Variants in AKAP6 observed in about 807,000 individuals in gnomAD.
AKAP6 encodes A-kinase anchoring protein 6.
Under a neutral mutation model 188.5 loss-of-function variants are expected in AKAP6, and 58 were observed. That is an observed-to-expected ratio of 0.31 (90% confidence interval 0.25 to 0.38). The LOEUF is 0.38. AKAP6 is among the 10% of genes least tolerant of loss of function. The pLI, the probability that AKAP6 is intolerant of heterozygous loss-of-function variation, is 1.00. For missense variants in AKAP6, 2,710 were observed against 2,740.0 expected (o/e 0.99, Z 0.24); for synonymous variants, 989 against 998.6 (o/e 0.99, Z 0.18).
At chr14:32,436,745 T>C (rs1890392589) in intron 2 of AKAP6, among the ~76,000 whole-genome samples, 1 of 152,132 alleles carries the variant, frequency 6.6e-6, no homozygotes, top group Non-Finnish European at 1.5e-5. Context: ...GAGACCAGAC[T>C]GGGCAGCATG....
At chr14:32,386,263 C>T (rs1888535286) in intron 1 of AKAP6, among the ~76,000 whole-genome samples, 3 of 151,976 alleles carry the variant, frequency 2.0e-5, no homozygotes, top group South Asian at 2.1e-4. Flanking sequence ...TCCATGCCAA[C>T]ATCTATTATT....
At chr14:32,612,491 A>G (rs933979437) in intron 7 of AKAP6, among the ~76,000 whole-genome samples, 7 of 152,264 alleles carry the variant, frequency 4.6e-5, no homozygotes, top group East Asian at 1.9e-4. Context: ...GCACAATCCC[A>G]TCTTAACATC....
At chr14:32,771,942 T>C (rs950167421) in intron 11 of AKAP6, among the ~76,000 whole-genome samples, 1 of 152,062 alleles carries the variant, frequency 6.6e-6, no homozygotes, top group African/African-American at 2.4e-5. Flanking sequence ...TATCTTGAAG[T>C]GTTTAATATT....
intron 1 of AKAP6, among the ~76,000 whole-genome samples, chr14:32,387,918 A>G (rs567857141): frequency 2.6e-5 from 4 of 151,588 alleles, no homozygotes; most frequent in African/African-American, 9.7e-5. Flanking sequence ...TGTCAATAGG[A>G]TTGGTACCAG....
chr14:32,547,134 A>G lies in AKAP6; in HGVS notation c.2346+135A>G, dbSNP rs1358522194. ...AAATCTGATTCTCCAAAGAAAGAAA[A>G]GAAAAAGCACAATGATCAATGCATG... On this transcript the variant is annotated intron_variant, in intron 4 of 13. Coordinates refer to ENST00000280979, the MANE Select transcript of AKAP6 (RefSeq NM_004274.5). The G allele has an allele frequency of 1.8e-5, 17 of 925,398 alleles. 1 individual carries two copies. The highest frequency in any genetic ancestry group is 1.6e-6 in the Non-Finnish European group (1 of 637,116). 57.3% of individuals were successfully genotyped at this position (925,398 alleles called of 1,614,324 possible). A position where few individuals can be genotyped will look rare whatever the true frequency, so the allele number is the denominator to read the frequency against.
intron 7 of AKAP6, among the ~76,000 whole-genome samples, chr14:32,652,658 C>T (rs1363562627): frequency 6.6e-6 from 1 of 152,208 alleles, no homozygotes; most frequent in East Asian, 1.9e-4. Flanking sequence ...ACTTTACTCT[C>T]CATTCAAGCT....
Position 32,687,330 on chromosome 14 carries a change from G to T in AKAP6, c.2880-8660G>T, listed in dbSNP as rs1889965001. On this transcript the variant is annotated intron_variant, in intron 8 of 13. Transcript: ENST00000280979. ...GGGATATAATCACCCTGGATTTCCT[G>T]CCATGGGGTGATCTTTCTGGTTTTC... Among the ~76,000 whole-genome samples, 3 of 151,676 alleles carry T rather than the reference G, an allele frequency of 2.0e-5. No homozygotes were observed. In the South Asian group the frequency reaches 6.2e-4, roughly 32 times the overall value.
At chr14:32,489,931 G>C (rs1257375275) in intron 2 of AKAP6, among the ~76,000 whole-genome samples, 1 of 152,228 alleles carries the variant, frequency 6.6e-6, no homozygotes, top group Non-Finnish European at 1.5e-5. Flanking sequence ...TCTGAAAAGA[G>C]AGTCAGCAAA....
intron 2 of AKAP6, among the ~76,000 whole-genome samples, chr14:32,462,047 A>T (rs1372496335): frequency 6.6e-6 from 1 of 152,054 alleles, no homozygotes; most frequent in Non-Finnish European, 1.5e-5. Flanking sequence ...ATGAAAAGGA[A>T]TGAACAAAGC....
chr14:32,816,415 C>G (rs1405522775), intron 12 of AKAP6, among the ~76,000 whole-genome samples: 2 of 152,130 alleles, frequency 1.3e-5, no homozygotes, highest in Non-Finnish European at 2.9e-5. Context: ...AGGCTGGTCT[C>G]AAACTCCTGG....
chr14:32,662,092 C>G (rs1001885611), intron 7 of AKAP6, among the ~76,000 whole-genome samples: 4 of 151,988 alleles, frequency 2.6e-5, no homozygotes, highest in African/African-American at 9.7e-5. Flanking sequence ...TTTGCATACT[C>G]TTGCAAATAA....
In AKAP6 at chr14:32,832,355, T is replaced by A. The variant is rs1177045315; in HGVS notation, c.*2550T>A. ...TAAATTTTCTTTGGGTAGTAACTAA[T>A]GTCAAGTCTACATCGACTGGTAAAA... On this transcript the variant is annotated 3_prime_UTR_variant, in exon 14 of 14. Transcript: ENST00000280979. 3 of 152,192 alleles carry A rather than the reference T, an allele frequency of 2.0e-5. No individual in the cohort carries two copies. Among genetic ancestry groups the A allele is most frequent in the African/African-American group, 7.2e-5 (3 of 41,448 alleles). 9.4% of individuals were successfully genotyped at this position (152,192 alleles called of 1,614,324 possible).
chr14:32,746,741 C>T (rs2031925880), intron 11 of AKAP6, among the ~76,000 whole-genome samples: 1 of 152,136 alleles, frequency 6.6e-6, no homozygotes, highest in South Asian at 2.1e-4. Flanking sequence ...AATAGTCACA[C>T]CTAGAAACCG....
intron 11 of AKAP6, among the ~76,000 whole-genome samples, chr14:32,757,791 A>C (rs1375483283): frequency 6.6e-6 from 1 of 152,156 alleles, no homozygotes; most frequent in Non-Finnish European, 1.5e-5. Flanking sequence ...GAGTTAACAT[A>C]GTGTGCTATG....
At position 32,590,517 on chromosome 14, in the gene AKAP6, C is replaced by A. The variant is rs139964598; in HGVS notation, c.2470-8893C>A. ...ATGAATGAATGAACATTTATAAAAG[C>A]AGTGTTAGAATCACTGTGGGCAACA... is the stretch of plus-strand genomic sequence containing the variant. On this transcript the variant is annotated intron_variant, in intron 5 of 13. Transcript: ENST00000280979. Among the ~76,000 whole-genome samples the A allele has an allele frequency of 6.6e-5, 10 of 152,216 alleles. No individual in the cohort carries two copies. The South Asian group carries it at 1.0e-3, about 16-fold the overall frequency.
intron 11 of AKAP6, among the ~76,000 whole-genome samples, chr14:32,756,897 C>T (rs1380087801): frequency 6.6e-6 from 1 of 152,048 alleles, no homozygotes; most frequent in Non-Finnish European, 1.5e-5. Context: ...CACGTGCTGA[C>T]CTGGAGCTGG....
chr14:32,720,456 G>A (rs546407964), intron 9 of AKAP6, among the ~76,000 whole-genome samples: 1 of 152,260 alleles, frequency 6.6e-6, no homozygotes, highest in African/African-American at 2.4e-5. Flanking sequence ...GCAAATAGTA[G>A]TCTGTCCACA....
chr14:32,488,821 C>T (rs985126454), intron 2 of AKAP6, among the ~76,000 whole-genome samples: 1 of 152,150 alleles, frequency 6.6e-6, no homozygotes, highest in African/African-American at 2.4e-5. Flanking sequence ...CCTGCTTCTG[C>T]TCCCCTTGGT....
chr14:32,808,970 C>T (rs559645003), intron 12 of AKAP6, among the ~76,000 whole-genome samples: 35 of 152,266 alleles, frequency 2.3e-4, no homozygotes, highest in Non-Finnish European at 4.0e-4. Context: ...TGAAAGGAAA[C>T]GCACATCATA....
Sources: allele counts gnomAD v4.1 joint callset (sites outside exome capture counted in the v4.1 genomes callset), GRCh38; gene constraint gnomAD v4.1.1; transcripts MANE v1.5; gene names NCBI Gene and HGNC (gene_info 2026-07-23, HGNC 2026-07-21).